The following C4orf36 variants were observed in gnomAD, a reference collection of about 807,000 sequenced individuals.
The protein encoded by C4orf36 is uncharacterized protein C4orf36.
In C4orf36, 11 loss-of-function variants were observed where a neutral mutation model predicts 12.2. That is an observed-to-expected ratio of 0.90 (90% CI 0.57 to 1.49). The LOEUF (loss-of-function observed/expected upper bound fraction) is 1.49. Among genes scored for constraint, C4orf36 ranks in the 40% most tolerant of loss-of-function variants. The probability of loss-of-function intolerance (pLI) is 0.00; values close to 1 mark genes in which losing one functional copy is unlikely to be tolerated. For missense variants in C4orf36, 137 were observed against 133.9 expected (o/e 1.02, Z -0.11); for synonymous variants, 54 against 51.3 (o/e 1.05, Z -0.22).
chr4:86,913,961 A>G, the C4orf36 span: 1 of 1,535,538 alleles, frequency 6.5e-7, no homozygotes, highest in African/African-American at 1.4e-5. Flanking sequence ...AGTAGCTGTC[A>G]TCCACTTCTT....
intron 2 of C4orf36, 53 bp downstream of exon 2, chr4:86,891,403 T>C: frequency 6.5e-7 from 1 of 1,540,290 alleles, no homozygotes; most frequent in African/African-American, 1.4e-5. Flanking sequence ...ACAAAGACAC[T>C]CCCCACCGCA....
the C4orf36 span, among the ~76,000 whole-genome samples, chr4:86,919,373 A>C: frequency 6.8e-4 from 78 of 115,132 alleles, no homozygotes; most frequent in Admixed American, 2.7e-3. Flanking sequence ...CCCAGGCTGG[A>C]GTGCAGTGGC....
At chr4:86,916,099 C>A in the C4orf36 span, among the ~76,000 whole-genome samples, 2 of 152,196 alleles carry the variant, frequency 1.3e-5, no homozygotes, top group South Asian at 2.1e-4. Flanking sequence ...GAAAGTAATA[C>A]ATCTACTTTG....
chr4:86,921,874 C>T, the C4orf36 span, among the ~76,000 whole-genome samples: 1 of 152,188 alleles, frequency 6.6e-6, no homozygotes, highest in Non-Finnish European at 1.5e-5. Flanking sequence ...AACCACTGTT[C>T]TACTTTCTGT....
Position 86,892,249 on chromosome 4 carries a change from G to A in C4orf36, c.-140C>T, listed in dbSNP as rs915642134. The A allele has an allele frequency of 1.0e-6, 1 of 985,764 alleles. No individual in the cohort carries two copies. Among genetic ancestry groups the A allele is most frequent in the African/African-American group, 1.7e-5 (1 of 57,264 alleles). The allele number at this position is 985,764 out of a possible 1,614,324, so 61.1% of individuals were successfully genotyped here. ...GTGCGCGGGGCTTCCAGGGTGGCGG[G>A]TCCCCGCGAGCCGGCGCCGGCGGCC... On this transcript the variant is annotated 5_prime_UTR_variant, in exon 1 of 5. Transcript: ENST00000295898.
At chr4:86,911,906 G>GC in the C4orf36 span, among the ~76,000 whole-genome samples, 1 of 152,144 alleles carries the variant, frequency 6.6e-6, no homozygotes, top group Non-Finnish European at 1.5e-5. Flanking sequence ...TGTTGCCCAG[G>GC]CTGGAGTGCA....
the C4orf36 span, among the ~76,000 whole-genome samples, chr4:86,928,528 T>C: frequency 6.6e-6 from 1 of 151,904 alleles, no homozygotes; most frequent in Admixed American, 6.6e-5. Flanking sequence ...GAAGGCAGAG[T>C]AGAGGAAGGG....
chr4:86,877,212 A>C (rs1280286084), intron 4 of C4orf36, among the ~76,000 whole-genome samples: 1 of 152,240 alleles, frequency 6.6e-6, no homozygotes, highest in African/African-American at 2.4e-5. Context: ...AAACACACTA[A>C]ATTTCTGCTA....
At chr4:86,901,287 T>A in the C4orf36 span, among the ~76,000 whole-genome samples, 1 of 150,854 alleles carries the variant, frequency 6.6e-6, no homozygotes. Flanking sequence ...CGGCCAATGG[T>A]TCTCTTTTCA....
At chr4:86,887,617 A>G in intron 4 of C4orf36, 141 bp downstream of exon 4, 2 of 911,602 alleles carry the variant, frequency 2.2e-6, no homozygotes, top group South Asian at 3.6e-5. Context: ...AGAACTGGGT[A>G]CTAACCCACA....
At chr4:86,888,032 G>A (rs973986120) in intron 3 of C4orf36, 89 bp downstream of exon 3, 11 of 1,532,998 alleles carry the variant, frequency 7.2e-6, no homozygotes, top group Non-Finnish European at 8.9e-6. Flanking sequence ...AGGAGGTATG[G>A]GTGTAAATAC....
chr4:86,914,337 T>C, the C4orf36 span: 12 of 1,521,190 alleles, frequency 7.9e-6, no homozygotes, highest in African/African-American at 1.4e-5. Flanking sequence ...GATATGTCCG[T>C]TGTGCTCCTT....
At chr4:86,910,023 T>G in the C4orf36 span, among the ~76,000 whole-genome samples, 5 of 151,500 alleles carry the variant, frequency 3.3e-5, no homozygotes, top group Admixed American at 2.0e-4. Context: ...AGCACAGGAA[T>G]GCAGCCAGCC....
chr4:86,893,644 T>C (rs577986753), upstream of C4orf36, among the ~76,000 whole-genome samples: 1 of 151,936 alleles, frequency 6.6e-6, no homozygotes, highest in Admixed American at 6.6e-5. Context: ...CTGATCCTTC[T>C]GATTAGAGTA....
At chr4:86,881,599 C>T (rs570042031) in intron 4 of C4orf36, among the ~76,000 whole-genome samples, 1 of 151,946 alleles carries the variant, frequency 6.6e-6, no homozygotes, top group Non-Finnish European at 1.5e-5. Context: ...TAAAAAAATT[C>T]TTTTAATTAA....
At chr4:86,934,708 C>G in the C4orf36 span, 1 of 152,240 alleles carries the variant, frequency 6.6e-6, no homozygotes. Context: ...AGAACTTGAC[C>G]CTGAGCTTAA....
chr4:86,926,944 T>C, the C4orf36 span, among the ~76,000 whole-genome samples: 5 of 152,212 alleles, frequency 3.3e-5, no homozygotes, highest in African/African-American at 1.2e-4. Context: ...CTTTTGTAAA[T>C]AAAGTTTTGT....
chr4:86,906,220 AATCAATGTTT>A, the C4orf36 span, among the ~76,000 whole-genome samples: 1 of 152,282 alleles, frequency 6.6e-6, no homozygotes, highest in Non-Finnish European at 1.5e-5. Flanking sequence ...AGGATTTTAA[AATCAATGTTT>A]ATTAAAGAGG....
chr4:86,901,520 G>A, the C4orf36 span, among the ~76,000 whole-genome samples: 3 of 151,712 alleles, frequency 2.0e-5, no homozygotes, highest in Non-Finnish European at 4.4e-5. Context: ...CTGTTTTCCT[G>A]CCTCAGCCTC....
Sources: allele counts gnomAD v4.1 joint callset (sites outside exome capture counted in the v4.1 genomes callset), GRCh38; gene constraint gnomAD v4.1.1; transcripts MANE v1.5; gene names NCBI Gene and HGNC (gene_info 2026-07-23, HGNC 2026-07-21).